The following NPSR1 variants were observed in gnomAD, a reference collection of about 807,000 sequenced individuals.
The protein encoded by NPSR1 is neuropeptide S receptor 1.
A neutral mutation model predicts 46.9 loss-of-function variants in NPSR1; 48 were observed. The observed-to-expected ratio is 1.02, with a 90% confidence interval of 0.81 to 1.30. The LOEUF (loss-of-function observed/expected upper bound fraction) is 1.30, where lower values mean the gene tolerates loss of function less well. Ranked by LOEUF, NPSR1 falls within the 50% of genes most tolerant of loss-of-function variation. NPSR1 has a pLI of 0.00. For missense variants in NPSR1, 450 were observed against 449.5 expected (o/e 1.00, Z -0.01); for synonymous variants, 176 against 168.1 (o/e 1.05, Z -0.36).
chr7:34,688,700 G>A (rs1383625866), intron 2 of NPSR1, among the ~76,000 whole-genome samples: 1 of 152,074 alleles, frequency 6.6e-6, no homozygotes, highest in Non-Finnish European at 1.5e-5. Context: ...CCAACTCGAG[G>A]TGCACCTGCT....
At chr7:34,682,281 C>T (rs1390481114) in intron 1 of NPSR1, among the ~76,000 whole-genome samples, 1 of 152,194 alleles carries the variant, frequency 6.6e-6, no homozygotes, top group Non-Finnish European at 1.5e-5. Context: ...AAGCTCATTC[C>T]AGAGACTGAA....
At chr7:34,752,957 C>A (rs1785617557) in intron 2 of NPSR1, among the ~76,000 whole-genome samples, 1 of 152,322 alleles carries the variant, frequency 6.6e-6, no homozygotes, top group African/African-American at 2.4e-5. Context: ...TCGTGCAACA[C>A]TGTATTTTAA....
intron 2 of NPSR1, among the ~76,000 whole-genome samples, chr7:34,697,542 T>G (rs1334456989): frequency 6.6e-6 from 1 of 151,980 alleles, no homozygotes; most frequent in Non-Finnish European, 1.5e-5. Context: ...AGATAGTATT[T>G]GCATATAACC....
intron 2 of NPSR1, among the ~76,000 whole-genome samples, chr7:34,749,722 A>G (rs1467735098): frequency 6.6e-6 from 1 of 152,252 alleles, no homozygotes; most frequent in Non-Finnish European, 1.5e-5. Context: ...TTATTGTAAT[A>G]ACTGACACAA....
intron 4 of NPSR1, among the ~76,000 whole-genome samples, chr7:34,813,334 A>C (rs1276598772): frequency 6.6e-6 from 1 of 152,230 alleles, no homozygotes; most frequent in African/African-American, 2.4e-5. Flanking sequence ...CTCTATTATT[A>C]TCTGCATTTT....
At chr7:34,689,150 G>C (rs1383822644) in intron 2 of NPSR1, among the ~76,000 whole-genome samples, 1 of 152,154 alleles carries the variant, frequency 6.6e-6, no homozygotes. Context: ...ACTAAGCAGG[G>C]AGCTCAGACC....
At position 34,849,689 on chromosome 7, in the gene NPSR1, C is replaced by T. The variant is rs1237512725; in HGVS notation, c.*34C>T. The stretch of plus-strand genomic sequence containing the variant: ...GCAGTGCCAGTGCTAGGCTGAGCAC[C>T]ATCAGCTCTCCCAGGTCCTTGTCAC... On this transcript the variant is annotated 3_prime_UTR_variant, in exon 9 of 9. Coordinates refer to ENST00000360581, the MANE Select transcript of NPSR1 (RefSeq NM_207172.2). The T allele has an allele frequency of 1.2e-6, 2 of 1,610,604 alleles. No homozygotes were observed. Among genetic ancestry groups the T allele is most frequent in the Admixed American group, 1.7e-5 (1 of 59,642 alleles).
intron 2 of NPSR1, among the ~76,000 whole-genome samples, chr7:34,775,184 TCAGATG>T (rs1786895404): frequency 6.6e-6 from 1 of 152,210 alleles, no homozygotes; most frequent in Non-Finnish European, 1.5e-5. Context: ...TACAGAATGT[TCAGATG>T]GTCCATGTCT....
At chr7:34,739,393 C>T (rs376955471) in intron 2 of NPSR1, among the ~76,000 whole-genome samples, 15 of 152,158 alleles carry the variant, frequency 9.9e-5, no homozygotes, top group Admixed American at 3.3e-4. Flanking sequence ...TACATCCTTG[C>T]CAGCACTTGT....
Position 34,844,967 on chromosome 7 carries a change from A to T in NPSR1, c.829A>T (p.Ile277Phe), listed in dbSNP as rs772009119. ...KAKIKAIKYSIIIILAFICCW... is the reference protein window; with the variant it reads ...KAKIKAIKYSFIIILAFICCW... Reference sequence around the variant, plus strand: ...AAAAATCAAGGCTATCAAGTATAGCATCATCATCATTCTTGGTAAGCAATG... The same window carrying T: ...AAAAATCAAGGCTATCAAGTATAGCTTCATCATCATTCTTGGTAAGCAATG... Residue 277 changes from isoleucine to phenylalanine, a missense_variant, in exon 7 of 9, where the codon ATC becomes TTC. Physicochemically the swap from Ile to Phe is conservative, Grantham distance 21. Coordinates refer to ENST00000360581, the MANE Select transcript of NPSR1 (RefSeq NM_207172.2). The T allele has an allele frequency of 2.5e-6, 4 of 1,608,068 alleles. No homozygotes were observed. The highest frequency in any genetic ancestry group is 2.6e-6 in the Non-Finnish European group (3 of 1,174,534).
At chr7:34,658,814 T>A (rs540623407) in intron 1 of NPSR1, among the ~76,000 whole-genome samples, 1 of 152,166 alleles carries the variant, frequency 6.6e-6, no homozygotes, top group Non-Finnish European at 1.5e-5. Flanking sequence ...GAGTAACATT[T>A]ATGAGTGGAT....
Position 34,849,932 on chromosome 7 carries a change from A to C in NPSR1, c.*277A>C. 1 of 1,214,576 alleles carries C rather than the reference A, an allele frequency of 8.2e-7. No homozygotes were observed. The highest frequency in any genetic ancestry group is 1.0e-6 in the Non-Finnish European group (1 of 967,706). 75.2% of individuals were successfully genotyped at this position (1,214,576 alleles called of 1,614,324 possible). ...TGGCCAGCACCTGAACCCAGTGAAC[A>C]CAGGCATTAGTGGTCCAGGGTCCTG... On this transcript the variant is annotated 3_prime_UTR_variant, in exon 9 of 9. Transcript: ENST00000360581.
exon 9 of NPSR1, chr7:34,878,261 G>A (rs575326120): frequency 2.4e-6 from 2 of 823,208 alleles, no homozygotes; most frequent in African/African-American, 1.7e-5. Flanking sequence ...AAGGACACCA[G>A]TGGTTCCCAA....
chr7:34,699,622 G>T (rs1793715581), intron 2 of NPSR1, among the ~76,000 whole-genome samples: 2 of 152,070 alleles, frequency 1.3e-5, no homozygotes, highest in Non-Finnish European at 2.9e-5. Flanking sequence ...ATCCTCATGT[G>T]GCCTTTGTGC....
At chr7:34,864,980 G>C (rs1458007928) in intron 8 of NPSR1, among the ~76,000 whole-genome samples, 1 of 151,714 alleles carries the variant, frequency 6.6e-6, no homozygotes, top group South Asian at 2.1e-4. Flanking sequence ...CCAATGGAAC[G>C]TGGAAAAAAA....
At chr7:34,838,444 A>G (rs986520746) in intron 6 of NPSR1, among the ~76,000 whole-genome samples, 6 of 152,196 alleles carry the variant, frequency 3.9e-5, no homozygotes, top group African/African-American at 1.2e-4. Context: ...TATGCTCTCT[A>G]TATCTTATTC....
At chr7:34,728,512 T>C (rs1784269628) in intron 2 of NPSR1, among the ~76,000 whole-genome samples, 1 of 152,214 alleles carries the variant, frequency 6.6e-6, no homozygotes, top group African/African-American at 2.4e-5. Flanking sequence ...GCTCTTGCCT[T>C]AATCTTTAAA....
chr7:34,754,808 C>T (rs1036627279), intron 2 of NPSR1, among the ~76,000 whole-genome samples: 2 of 152,136 alleles, frequency 1.3e-5, no homozygotes, highest in African/African-American at 2.4e-5. Flanking sequence ...CCTCCGTAAC[C>T]CTAGCCAACT....
intron 4 of NPSR1, among the ~76,000 whole-genome samples, chr7:34,815,615 C>A (rs894922197): frequency 6.6e-6 from 1 of 152,012 alleles, no homozygotes; most frequent in African/African-American, 2.4e-5. Flanking sequence ...GACATGTAGT[C>A]AGATTCACCA....
Sources: allele counts gnomAD v4.1 joint callset (sites outside exome capture counted in the v4.1 genomes callset), GRCh38; gene constraint gnomAD v4.1.1; transcripts MANE v1.5; gene names NCBI Gene and HGNC (gene_info 2026-07-23, HGNC 2026-07-21).